The following NCAM1 variants were observed in gnomAD, a reference collection of about 807,000 sequenced individuals.
NCAM1 encodes the protein neural cell adhesion molecule 1, also known as antigen recognized by monoclonal antibody 5.1H11.
In NCAM1, 14 loss-of-function variants were observed where a neutral mutation model predicts 109.8. The ratio of observed to expected loss-of-function variants is 0.13; its 90% CI spans 0.08 to 0.20. The LOEUF (loss-of-function observed/expected upper bound fraction) is 0.20, where lower values mean the gene tolerates loss of function less well. Among genes scored for constraint, NCAM1 ranks in the 10% least tolerant of loss-of-function variants. NCAM1 has a pLI of 1.00. For synonymous variants in NCAM1, 418 were observed against 442.9 expected, an observed-to-expected ratio of 0.94 and a Z score of 0.70; for missense variants, 774 against 1,109.9, an observed-to-expected ratio of 0.70 and a Z score of 4.30.
chr11:113,055,751 T>C (rs529044848), intron 1 of NCAM1, among the ~76,000 whole-genome samples: 1 of 151,992 alleles, frequency 6.6e-6, no homozygotes, highest in Non-Finnish European at 1.5e-5. Context: ...TCTGTGATTA[T>C]ATTACATAAG....
chr11:113,118,747 G>GAA (rs35407203), intron 1 of NCAM1, among the ~76,000 whole-genome samples: 1 of 151,262 alleles, frequency 6.6e-6, no homozygotes, highest in Non-Finnish European at 1.5e-5. Context: ...AATCTATACA[G>GAA]AAAAAAATTC....
At chr11:113,250,769 T>C (rs1555121131) in intron 15 of NCAM1, among the ~76,000 whole-genome samples, 1 of 151,972 alleles carries the variant, frequency 6.6e-6, no homozygotes, top group East Asian at 1.9e-4. Context: ...ACAAAGTAGA[T>C]GAATAGAGAA....
At chr11:113,052,166 C>A (rs868929037) in intron 1 of NCAM1, among the ~76,000 whole-genome samples, 1 of 152,298 alleles carries the variant, frequency 6.6e-6, no homozygotes, top group Admixed American at 6.5e-5. Flanking sequence ...CGAATCCAAT[C>A]CTTAGCTGAA....
At chr11:113,215,872 A>C (rs1341272469) in intron 8 of NCAM1, among the ~76,000 whole-genome samples, 1 of 152,248 alleles carries the variant, frequency 6.6e-6, no homozygotes, top group African/African-American at 2.4e-5. Flanking sequence ...TGTGGATTTA[A>C]TGTACATTTC....
At chr11:113,236,442 C>A in intron 14 of NCAM1, 1 of 999,246 alleles carries the variant, frequency 1.0e-6, no homozygotes, top group Non-Finnish European at 1.6e-6. Context: ...TGTCTGGGCC[C>A]TAACCACACT....
At chr11:113,139,328 A>G (rs973576819) in intron 1 of NCAM1, among the ~76,000 whole-genome samples, 11 of 152,166 alleles carry the variant, frequency 7.2e-5, no homozygotes, top group Non-Finnish European at 1.6e-4. Flanking sequence ...CTACAGCAGG[A>G]TGTGATCACT....
intron 1 of NCAM1, among the ~76,000 whole-genome samples, chr11:113,003,578 G>A (rs556271920): frequency 1.3e-5 from 2 of 152,194 alleles, no homozygotes; most frequent in African/African-American, 4.8e-5. Context: ...TTATGATTAT[G>A]GGATTTCCCC....
chr11:113,111,489 C>T (rs1434706008), intron 1 of NCAM1, among the ~76,000 whole-genome samples: 1 of 151,750 alleles, frequency 6.6e-6, no homozygotes. Context: ...GAAAACAGAT[C>T]AGCAGCGTCA....
chr11:113,249,532 T>A (rs1309073313), intron 15 of NCAM1, among the ~76,000 whole-genome samples: 2 of 152,216 alleles, frequency 1.3e-5, no homozygotes, highest in Non-Finnish European at 2.9e-5. Flanking sequence ...AGCCACATTC[T>A]TCTTCATAAC....
At chr11:113,193,738 GC>G (rs1158173973) in intron 1 of NCAM1, among the ~76,000 whole-genome samples, 1 of 152,132 alleles carries the variant, frequency 6.6e-6, no homozygotes, top group Non-Finnish European at 1.5e-5. Context: ...AGAACTGGGT[GC>G]CTTTTGGGGA....
intron 1 of NCAM1, among the ~76,000 whole-genome samples, chr11:113,103,399 G>A (rs1939962845): frequency 6.6e-6 from 1 of 152,132 alleles, no homozygotes; most frequent in Admixed American, 6.5e-5. Flanking sequence ...TAATTTGTGG[G>A]CAGCTAATGT....
intron 1 of NCAM1, among the ~76,000 whole-genome samples, chr11:112,968,916 C>G (rs1298692486): frequency 1.3e-5 from 2 of 152,160 alleles, no homozygotes; most frequent in African/African-American, 4.8e-5. Context: ...TGGAGAAGGT[C>G]AGATAGCTTC....
At chr11:113,009,480 C>A (rs576371308) in intron 1 of NCAM1, among the ~76,000 whole-genome samples, 2 of 151,700 alleles carry the variant, frequency 1.3e-5, no homozygotes, top group Admixed American at 6.6e-5. Context: ...GCCCACCACG[C>A]CTGGGGAATT....
chr11:113,275,284 C>A lies in NCAM1; in HGVS notation c.2474C>A (p.Ala825Glu), dbSNP rs371691487. 7 of 1,613,640 alleles carry A rather than the reference C, an allele frequency of 4.3e-6. No individual in the cohort carries two copies. Among genetic ancestry groups the A allele is most frequent in the Non-Finnish European group, 5.9e-6 (7 of 1,179,838 alleles). Residue 825 changes from alanine (A) to glutamate (E), a missense_variant, in exon 20 of 20, where the codon GCA becomes GAA. Coordinates refer to ENST00000316851, the MANE Select transcript of NCAM1 (RefSeq NM_181351.5). ...CTCTGCAGGAAGGGCCCCGTAGAAG[C>A]AAAGCCAGAGTGCCAGGAGACAGAA... is the stretch of plus-strand genomic sequence containing the variant. ...LTEPEKGPVE[A>E]KPECQETETK...
At chr11:113,248,342 G>A (rs564523094) in intron 15 of NCAM1, among the ~76,000 whole-genome samples, 1 of 152,222 alleles carries the variant, frequency 6.6e-6, no homozygotes, top group South Asian at 2.1e-4. Context: ...TCTGCAAGGG[G>A]GCAAGCTGAA....
At chr11:113,177,159 T>C (rs1943179958) in intron 1 of NCAM1, among the ~76,000 whole-genome samples, 1 of 152,180 alleles carries the variant, frequency 6.6e-6, no homozygotes, top group Non-Finnish European at 1.5e-5. Flanking sequence ...ACATTGCATA[T>C]TTTAACATAC....
At chr11:113,044,785 G>A (rs192579032) in intron 1 of NCAM1, among the ~76,000 whole-genome samples, 1 of 151,828 alleles carries the variant, frequency 6.6e-6, no homozygotes, top group Non-Finnish European at 1.5e-5. Flanking sequence ...ACGGAGTCTC[G>A]CTCTGTCGCC....
chr11:113,223,887 C>CA (rs1308543996), intron 9 of NCAM1, among the ~76,000 whole-genome samples: 3 of 152,176 alleles, frequency 2.0e-5, no homozygotes, highest in Non-Finnish European at 4.4e-5. Flanking sequence ...CTCTTGAGGC[C>CA]ACTAGTCTAG....
intron 15 of NCAM1, among the ~76,000 whole-genome samples, chr11:113,252,246 T>A (rs1228326564): frequency 1.3e-5 from 2 of 151,992 alleles, no homozygotes; most frequent in Middle Eastern, 3.2e-3. Context: ...AGACCCCATC[T>A]CTACAAAAAA....
Sources: allele counts gnomAD v4.1 joint callset (sites outside exome capture counted in the v4.1 genomes callset), GRCh38; gene constraint gnomAD v4.1.1; transcripts MANE v1.5; gene names NCBI Gene and HGNC (gene_info 2026-07-23, HGNC 2026-07-21).